The following SIN3A variants were observed in gnomAD, a reference collection of about 807,000 sequenced individuals.
SIN3A encodes the protein SIN3 transcription regulator family member A.
A neutral mutation model predicts 146.1 loss-of-function variants in SIN3A; 14 were observed. That is an observed-to-expected ratio of 0.10 (90% confidence interval 0.06 to 0.15). The LOEUF (loss-of-function observed/expected upper bound fraction) is 0.15. Among genes scored for constraint, SIN3A ranks in the 10% least tolerant of loss-of-function variants. SIN3A has a pLI of 1.00. For missense variants in SIN3A, 1,028 were observed against 1,576.0 expected (o/e 0.65, Z 5.89); for synonymous variants, 572 against 572.0 (o/e 1.00, Z 0.00).
chr15:75,384,496 GTCAACGT>G, intron 16 of SIN3A, 59 bp from the exon 17 acceptor site: 2 of 1,025,626 alleles, frequency 2.0e-6, no homozygotes, highest in Non-Finnish European at 2.4e-6. Flanking sequence ...CCATTATACA[GTCAACGT>G]TCCTTTGATG....
At position 75,370,724 on chromosome 15, in the gene SIN3A, T is replaced by C. The variant is rs565217438; in HGVS notation, c.*1255A>G. 6.8e-4 allele frequency: 104 copies of C among 152,206 alleles called. 1 individual carries two copies. Among genetic ancestry groups the C allele is most frequent in the African/African-American group, 2.2e-3 (93 of 41,542 alleles). 9.4% of individuals were successfully genotyped at this position (152,206 alleles called of 1,614,324 possible). ...CATAGCTTGACAACTTACCCAAATA[T>C]AAAATATTTTCAGATTATTTGAACA... On this transcript the variant is annotated 3_prime_UTR_variant, in exon 21 of 21. Coordinates refer to ENST00000394947, the MANE Select transcript of SIN3A (RefSeq NM_001145358.2).
chr15:75,382,757 C>T (rs1438517443), intron 17 of SIN3A, among the ~76,000 whole-genome samples: 1 of 151,496 alleles, frequency 6.6e-6, no homozygotes, highest in Non-Finnish European at 1.5e-5. Context: ...GACAAGCCTG[C>T]CCAACATGGT....
intron 3 of SIN3A, among the ~76,000 whole-genome samples, chr15:75,419,011 C>G (rs2073795028): frequency 6.6e-6 from 1 of 152,026 alleles, no homozygotes; most frequent in African/African-American, 2.4e-5. Flanking sequence ...CCCGCCTCGG[C>G]CTCTTAAAGT....
Position 75,411,615 on chromosome 15 carries a change from G to A in SIN3A, c.885C>T (p.Ser295=). 4 of 1,614,226 alleles carry A rather than the reference G, an allele frequency of 2.5e-6. No individual in the cohort carries two copies. The highest frequency in any genetic ancestry group is 1.7e-5 in the Admixed American group (1 of 60,018). ...ACTCCACAGGTTGATTGTTCTGCAA[G>A]GATGGGGCCGTTCCCAACGAGATTG... ...PVTISLGTAP[S]LQNNQPVEFN... is the part of the protein sequence containing the mutation. Residue 295 remains serine, a synonymous_variant, in exon 6 of 21, where the codon TCC becomes TCT. Coordinates refer to ENST00000394947, the MANE Select transcript of SIN3A (RefSeq NM_001145358.2).
At chr15:75,401,026 T>C in intron 10 of SIN3A, 86 bp from the exon 11 acceptor site, 1 of 892,774 alleles carries the variant, frequency 1.1e-6, no homozygotes, top group South Asian at 1.5e-5. Flanking sequence ...TGGTTTTGGA[T>C]CAGAAATCTG....
At chr15:75,447,195 T>G (rs2074322819) in intron 1 of SIN3A, among the ~76,000 whole-genome samples, 2 of 152,236 alleles carry the variant, frequency 1.3e-5, no homozygotes, top group Non-Finnish European at 1.5e-5. Context: ...TGGGTTGCTA[T>G]GTTGAGAACA....
intron 20 of SIN3A, among the ~76,000 whole-genome samples, chr15:75,372,596 C>G (rs2141358889): frequency 6.6e-6 from 1 of 152,094 alleles, no homozygotes; most frequent in Middle Eastern, 3.4e-3. Context: ...CTGAGGCAGG[C>G]AGTTCGCTTG....
chr15:75,395,087 A>G (rs1311795532), intron 13 of SIN3A, among the ~76,000 whole-genome samples: 1 of 152,250 alleles, frequency 6.6e-6, no homozygotes, highest in Non-Finnish European at 1.5e-5. Flanking sequence ...TCAAAGTCAA[A>G]TAATTTACCT....
At chr15:75,450,749 GC>G (rs1474894804) in intron 1 of SIN3A, among the ~76,000 whole-genome samples, 1 of 152,208 alleles carries the variant, frequency 6.6e-6, no homozygotes, top group Non-Finnish European at 1.5e-5. Flanking sequence ...GTCGGCGGGT[GC>G]CCCTCCCTCC....
At chr15:75,430,053 AGTTAT>A in intron 2 of SIN3A, 129 bp downstream of exon 2, 1 of 681,628 alleles carries the variant, frequency 1.5e-6, no homozygotes, top group Non-Finnish European at 2.5e-6. Flanking sequence ...GTGAGTACAC[AGTTAT>A]TTTTTTTTTT....
At chr15:75,394,564 G>A (rs774113879) in intron 14 of SIN3A, 116 bp downstream of exon 14, 28 of 737,596 alleles carry the variant, frequency 3.8e-5, no homozygotes, top group Non-Finnish European at 5.4e-5. Context: ...TATCAAGCAA[G>A]AATCAACAGG....
intron 1 of SIN3A, 63 bp downstream of exon 1, chr15:75,451,360 C>T (rs1206145748): frequency 6.8e-6 from 1 of 146,498 alleles, no homozygotes; most frequent in Non-Finnish European, 1.5e-5. Flanking sequence ...AAATACACAC[C>T]CTCGAGTCCG....
At chr15:75,384,669 C>T (rs190136489) in intron 16 of SIN3A, among the ~76,000 whole-genome samples, 2 of 152,134 alleles carry the variant, frequency 1.3e-5, no homozygotes, top group Admixed American at 6.5e-5. Context: ...GTAAAACTTT[C>T]CTATCTATTT....
At chr15:75,448,838 AG>A (rs2074352863) in intron 1 of SIN3A, among the ~76,000 whole-genome samples, 1 of 152,218 alleles carries the variant, frequency 6.6e-6, no homozygotes, top group South Asian at 2.1e-4. Flanking sequence ...ATACTTCACC[AG>A]GAATCTTGTC....
At chr15:75,381,321 C>T (rs1249640537) in intron 18 of SIN3A, among the ~76,000 whole-genome samples, 1 of 152,098 alleles carries the variant, frequency 6.6e-6, no homozygotes, top group Non-Finnish European at 1.5e-5. Flanking sequence ...TGAGAAAGAC[C>T]TCATTTGTTG....
At position 75,396,340 on chromosome 15, in the gene SIN3A, T is replaced by G; in HGVS notation, c.2011A>C (p.Arg671=). 1 of 1,614,174 alleles carries G rather than the reference T, an allele frequency of 6.2e-7. No individual in the cohort carries two copies. Among genetic ancestry groups the G allele is most frequent in the Non-Finnish European group, 8.5e-7 (1 of 1,180,020 alleles). Reference sequence around the variant, plus strand: ...TCAGCTGCTTTATCAGCATATATCCTCTGGAGTGCTTTTCTATGGATGACT... The same window carrying G: ...TCAGCTGCTTTATCAGCATATATCCGCTGGAGTGCTTTTCTATGGATGACT... ...SEVIHRKALQ[R]IYADKAADII... Residue 671 remains arginine, a synonymous_variant, in exon 13 of 21, where the codon AGG becomes CGG. Coordinates refer to ENST00000394947, the MANE Select transcript of SIN3A (RefSeq NM_001145358.2).
At position 75,392,262 on chromosome 15, in the gene SIN3A, T is replaced by A. The variant is rs934550346; in HGVS notation, c.2831A>T (p.Gln944Leu). 5 of 1,613,552 alleles carry A rather than the reference T, an allele frequency of 3.1e-6. No individual in the cohort carries two copies. The highest frequency in any genetic ancestry group is 4.2e-6 in the Non-Finnish European group (5 of 1,179,464). The part of the protein sequence containing the change: ...KRDKSDSPAI[Q>L]LRLKEPMDVD... Reference sequence around the variant, plus strand: ...CTCACTAGGTTCTTTGAGACGTAGCTGAATGGCAGGGCTGTCACTCTTGTC... The same window carrying A: ...CTCACTAGGTTCTTTGAGACGTAGCAGAATGGCAGGGCTGTCACTCTTGTC... The change falls in exon 15 of 21, where the codon CAG becomes CTG. Residue 944 changes from glutamine (Q) to leucine (L), a missense_variant. By Grantham distance (113) the Gln-to-Leu change is moderately radical (BLOSUM62 -2). Coordinates refer to ENST00000394947, the MANE Select transcript of SIN3A (RefSeq NM_001145358.2).
chr15:75,444,282 A>G (rs753225683), intron 1 of SIN3A, among the ~76,000 whole-genome samples: 1 of 152,110 alleles, frequency 6.6e-6, no homozygotes, highest in Non-Finnish European at 1.5e-5. Context: ...TTCTACTAAA[A>G]ATACAAAAAT....
intron 18 of SIN3A, 123 bp from the exon 19 acceptor site, chr15:75,380,846 A>T: frequency 1.4e-6 from 1 of 693,500 alleles, no homozygotes; most frequent in African/African-American, 1.8e-5. Context: ...AGATCAAAAA[A>T]GTCCCTTTCT....
Sources: allele counts gnomAD v4.1 joint callset (sites outside exome capture counted in the v4.1 genomes callset), GRCh38; gene constraint gnomAD v4.1.1; transcripts MANE v1.5; gene names NCBI Gene and HGNC (gene_info 2026-07-23, HGNC 2026-07-21).